Variants in COL5A3 observed in about 807,000 individuals in gnomAD.
The protein encoded by COL5A3 is collagen type V alpha 3 chain.
COL5A3 carries 172 observed loss-of-function variants against 250.0 expected under a neutral mutation model. The ratio of observed to expected loss-of-function variants is 0.69; its 90% CI spans 0.61 to 0.78. The LOEUF (loss-of-function observed/expected upper bound fraction) is 0.78, where lower values mean the gene tolerates loss of function less well. COL5A3 is among the 30% of genes least tolerant of loss of function. COL5A3 has a pLI of 0.00. For missense variants in COL5A3, 2,340 were observed against 2,334.4 expected (o/e 1.00, Z -0.05); for synonymous variants, 937 against 900.4 (o/e 1.04, Z -0.73).
At chr19:9,989,091 T>C in intron 27 of COL5A3, 33 bp downstream of exon 27, 1 of 1,611,356 alleles carries the variant, frequency 6.2e-7, no homozygotes, top group South Asian at 1.1e-5. Flanking sequence ...CCAAAGCTGG[T>C]AAATCACTCA....
At chr19:10,006,736 A>G (rs35637169) in intron 1 of COL5A3, among the ~76,000 whole-genome samples, 23,643 of 151,494 alleles carry the variant, frequency 0.16, 2,010 homozygotes, top group Middle Eastern at 0.24. Flanking sequence ...GACTACAGCC[A>G]TTTTGGATCT....
At chr19:9,965,988 C>A (rs947854988) in intron 64 of COL5A3, among the ~76,000 whole-genome samples, 7 of 144,454 alleles carry the variant, frequency 4.8e-5, no homozygotes, top group Non-Finnish European at 7.7e-5. Flanking sequence ...CTCGCACCAC[C>A]ATGCCCGCCA....
At chr19:9,962,024 A>G (rs1209376372) in intron 65 of COL5A3, among the ~76,000 whole-genome samples, 2 of 152,208 alleles carry the variant, frequency 1.3e-5, no homozygotes, top group African/African-American at 4.8e-5. Context: ...AAAATTTAGC[A>G]TTCAAATTGT....
chr19:9,972,751 G>A (rs926629095), intron 51 of COL5A3, among the ~76,000 whole-genome samples, 168 bp downstream of exon 51: 28 of 152,054 alleles, frequency 1.8e-4, no homozygotes, highest in African/African-American at 6.8e-4. Context: ...CAGAAGAATC[G>A]CTTGAACCCG....
At chr19:9,970,899 C>T in intron 53 of COL5A3, 76 bp downstream of exon 53, 1 of 1,337,514 alleles carries the variant, frequency 7.5e-7, no homozygotes, top group Non-Finnish European at 1.0e-6. Context: ...AGCCCACTCC[C>T]CTGCCCCCCC....
chr19:9,983,101 T>C (rs1414100363), intron 31 of COL5A3, among the ~76,000 whole-genome samples: 1 of 151,974 alleles, frequency 6.6e-6, no homozygotes, highest in African/African-American at 2.4e-5. Context: ...CCTCTAGTGA[T>C]TCTCCTACCT....
chr19:10,010,214 C>A, intron 1 of COL5A3, 84 bp downstream of exon 1: 1 of 953,462 alleles, frequency 1.0e-6, no homozygotes, highest in Non-Finnish European at 1.4e-6. Flanking sequence ...CCCTCCACGC[C>A]CCTCCACCCC....
chr19:9,991,911 TGG>T, intron 22 of COL5A3, 70 bp from the exon 23 acceptor site: 1 of 1,549,680 alleles, frequency 6.5e-7, no homozygotes, highest in Non-Finnish European at 8.9e-7. Context: ...GAAATTGACT[TGG>T]GGGGGGTCAG....
At position 10,006,204 on chromosome 19, in the gene COL5A3, C is replaced by A. The variant is rs1302926923; in HGVS notation, c.116G>T (p.Gly39Val). 5 of 1,603,682 alleles carry A rather than the reference C, an allele frequency of 3.1e-6. No homozygotes were observed. The highest frequency in any genetic ancestry group is 3.5e-5 in the Admixed American group (2 of 57,616). ...ADPVDVLKAL[G>V]VQGGQAGVPE... ...GACCCCAGCCTGGCCTCCCTGCACACCCAGGGCCTTCAGGACATCCACAGG... is the reference window on the plus strand; with the variant it reads ...GACCCCAGCCTGGCCTCCCTGCACAACCAGGGCCTTCAGGACATCCACAGG... The change falls in exon 2 of 67, where the codon GGT becomes GTT. Residue 39 changes from glycine (G) to valine (V), a missense_variant. Gly to Val is a moderately radical substitution (Grantham distance 109). Transcript: ENST00000264828.
chr19:9,982,866 A>C (rs12984723), intron 31 of COL5A3, among the ~76,000 whole-genome samples: 15,990 of 151,740 alleles, frequency 0.11, 1,019 homozygotes, highest in South Asian at 0.27. Flanking sequence ...TGTTTGTTTT[A>C]TTTTTAAGAG....
In COL5A3 at chr19:9,981,118, C is replaced by A. The variant is rs752358716; in HGVS notation, c.2475G>T (p.Gln825His). ...GTCCCCGCTCTCCTTCCAGGCCTGGCTGCCCTGTCTTTCCCTGAAAATGAA... is the reference window on the plus strand; with the variant it reads ...GTCCCCGCTCTCCTTCCAGGCCTGGATGCCCTGTCTTTCCCTGAAAATGAA... ...GEKGKSGKTGQPGLEGERGPP... is the reference protein window; with the variant it reads ...GEKGKSGKTGHPGLEGERGPP... Residue 825 changes from glutamine (Q) to histidine (H), a missense_variant, in exon 33 of 67, where the codon CAG (glutamine) becomes CAT (histidine). By Grantham distance (24) the Gln-to-His change is conservative. Transcript: ENST00000264828. The A allele has an allele frequency of 1.1e-5, 18 of 1,613,980 alleles. No homozygotes were observed. The highest frequency in any genetic ancestry group is 1.5e-5 in the Non-Finnish European group (18 of 1,179,940).
intron 1 of COL5A3, among the ~76,000 whole-genome samples, chr19:10,007,605 C>A (rs532708645): frequency 6.6e-6 from 1 of 152,188 alleles, no homozygotes; most frequent in African/African-American, 2.4e-5. Context: ...TGACCCCCTG[C>A]CCCAGCCTCT....
intron 8 of COL5A3, among the ~76,000 whole-genome samples, chr19:9,999,161 T>TTCCTTCCC (rs1442232135): frequency 1.3e-5 from 2 of 149,000 alleles, no homozygotes; most frequent in African/African-American, 5.0e-5. Flanking sequence ...CCTTCCTTCC[T>TTCCTTCCC]TCCTTCCTTC....
Position 9,978,621 on chromosome 19 carries a change from T to C in COL5A3, c.2971A>G (p.Thr991Ala), listed in dbSNP as rs1258161841. Residue 991 changes from threonine to alanine, a missense_variant, in exon 41 of 67, where the codon ACT becomes GCT. By Grantham distance (58) the Thr-to-Ala change is moderately conservative. Transcript: ENST00000264828. The part of the protein sequence containing the change: ...PKGGPGDPGP[T>A]GLKGDKGPPG... ...GGGCCCTTATCACCCTTTAAGCCAG[T>C]AGGTCCCTGAAGGAGGAGATAATTC... The C allele has an allele frequency of 1.9e-6, 3 of 1,566,086 alleles. No individual in the cohort carries two copies. The African/African-American group carries it at 4.2e-5, about 22-fold the overall frequency.
intron 16 of COL5A3, among the ~76,000 whole-genome samples, chr19:9,994,561 TATATATA>T (rs1210020537): frequency 1.3e-4 from 2 of 15,786 alleles, no homozygotes; most frequent in African/African-American, 5.0e-4. Flanking sequence ...ATGTTTTACA[TATATATA>T]TATATATATA....
At chr19:9,997,079 GAGAGAGACAGA>G (rs1480424824) in intron 11 of COL5A3, 4 of 554,542 alleles carry the variant, frequency 7.2e-6, no homozygotes, top group Admixed American at 6.7e-5. Context: ...GAGACCAACA[GAGAGAGACAGA>G]AGAGAGACAG....
chr19:9,978,690 T>C, intron 40 of COL5A3, 63 bp from the exon 41 acceptor site: 1 of 1,212,726 alleles, frequency 8.2e-7, no homozygotes. Context: ...CCTGTCTTCC[T>C]CTGTGGGGAG....
chr19:9,980,339 C>G lies in COL5A3; in HGVS notation c.2605-292G>C, dbSNP rs76520983. Among the ~76,000 whole-genome samples the G allele has an allele frequency of 9.6e-3, 1,464 of 152,270 alleles. 27 individuals carry two copies. Among genetic ancestry groups the G allele is most frequent in the East Asian group, 0.078 (403 of 5,178 alleles). ...AGAGCCAGGACTTGAACTCATGGCT[C>G]TCTGACTTCACAGGCTGTGCTCCTT... is the stretch of plus-strand genomic sequence containing the variant. On this transcript the variant is annotated intron_variant, in intron 35 of 66. Coordinates refer to ENST00000264828, the MANE Select transcript of COL5A3 (RefSeq NM_015719.4).
intron 56 of COL5A3, 64 bp from the exon 57 acceptor site, chr19:9,969,466 C>T (rs915332894): frequency 6.3e-6 from 10 of 1,583,352 alleles, no homozygotes; most frequent in African/African-American, 2.7e-5. Flanking sequence ...GACCCCCCCC[C>T]GACCATGCAC....
Sources: gnomAD v4.1 joint callset for allele counts (sites outside exome capture counted in the v4.1 genomes callset) on GRCh38, gnomAD v4.1.1 for gene constraint, MANE v1.5 for transcripts, NCBI Gene and HGNC (gene_info 2026-07-23, HGNC 2026-07-21) for gene names.